The following PNKD variants were observed in gnomAD, a reference collection of about 807,000 sequenced individuals.
The protein encoded by PNKD is probable thioesterase PNKD.
Under a neutral mutation model 45.3 loss-of-function variants are expected in PNKD, and 36 were observed. The ratio of observed to expected loss-of-function variants is 0.80; its 90% CI spans 0.61 to 1.05. The LOEUF (loss-of-function observed/expected upper bound fraction) is 1.05, where lower values mean the gene tolerates loss of function less well. Ranked by LOEUF, PNKD falls within the 50% of genes least tolerant of loss-of-function variation. PNKD has a pLI of 0.00. For missense variants in PNKD, 511 were observed against 506.6 expected (o/e 1.01, Z -0.08); for synonymous variants, 197 against 210.1 (o/e 0.94, Z 0.54).
intron 2 of PNKD, among the ~76,000 whole-genome samples, chr2:218,296,898 G>T (rs1693152040): frequency 6.6e-6 from 1 of 152,130 alleles, no homozygotes. Flanking sequence ...GGCTGGTCTT[G>T]AACTCCTGGC....
intron 2 of PNKD, among the ~76,000 whole-genome samples, chr2:218,309,657 GCA>G (rs1693541045): frequency 6.6e-6 from 1 of 151,870 alleles, no homozygotes; most frequent in Non-Finnish European, 1.5e-5. Context: ...CTGAGGCCAG[GCA>G]CAGTGGCTCA....
chr2:218,306,943 T>A (rs764402519), intron 2 of PNKD, among the ~76,000 whole-genome samples: 79 of 152,214 alleles, frequency 5.2e-4, no homozygotes, highest in Non-Finnish European at 1.1e-3. Flanking sequence ...GAAAATATCC[T>A]AAGTGGAAAA....
intron 2 of PNKD, among the ~76,000 whole-genome samples, chr2:218,315,057 T>TCTTTCTTTCTTTCTTTCTTCCTTC (rs61429059): frequency 0.012 from 642 of 55,514 alleles, 56 homozygotes; most frequent in African/African-American, 0.034. Context: ...TTTCTTTCTT[T>TCTTTCTTTCTTTCTTTCTTCCTTC]CTTCCTTCCT....
intron 2 of PNKD, among the ~76,000 whole-genome samples, chr2:218,314,716 G>C (rs1693722706): frequency 6.6e-6 from 1 of 150,462 alleles, no homozygotes; most frequent in Admixed American, 6.6e-5. Flanking sequence ...TTTTGAGAGA[G>C]TCTCACTCTG....
chr2:218,344,895 C>T lies in PNKD; in HGVS notation c.1072C>T (p.Pro358Ser), dbSNP rs767134422. 9.9e-6 allele frequency: 16 copies of T among 1,613,928 alleles called. No individual in the cohort carries two copies. Among genetic ancestry groups the T allele is most frequent in the Non-Finnish European group, 1.4e-5 (16 of 1,179,848 alleles). The change falls in exon 10 of 10, where the codon CCG becomes TCG. Residue 358 changes from proline to serine, a missense_variant. Coordinates refer to ENST00000273077, the MANE Select transcript of PNKD (RefSeq NM_015488.5). ...LALQEALGPG[P>S]GPTGDDDYSR... ...GCTACAGGAGGCTCTGGGGCCGGGGCCGGGCCCCACTGGGGATGATGACTA... is the reference window on the plus strand; with the variant it reads ...GCTACAGGAGGCTCTGGGGCCGGGGTCGGGCCCCACTGGGGATGATGACTA...
At chr2:218,322,724 T>C (rs922553011) in intron 2 of PNKD, among the ~76,000 whole-genome samples, 13 of 152,222 alleles carry the variant, frequency 8.5e-5, no homozygotes, top group African/African-American at 3.1e-4. Flanking sequence ...ATTTGGTTCG[T>C]CGCCTCACTA....
chr2:218,314,367 G>A lies in PNKD; in HGVS notation c.237-25416G>A, dbSNP rs535053047. The stretch of plus-strand genomic sequence containing the variant: ...CTCCTGAGCAGCTGGAAGCACAGGC[G>A]TGTACCACCAAGCCTGGCTGATTTT... On this transcript the variant is annotated intron_variant, in intron 2 of 9. Transcript: ENST00000273077. Among the ~76,000 whole-genome samples, 28 of 151,786 alleles carry A rather than the reference G, an allele frequency of 1.8e-4. No homozygotes were observed. The South Asian group carries it at 5.0e-3, about 27-fold the overall frequency.
intron 2 of PNKD, among the ~76,000 whole-genome samples, chr2:218,308,679 C>T (rs1173708609): frequency 1.3e-5 from 2 of 151,840 alleles, no homozygotes; most frequent in African/African-American, 2.4e-5. Context: ...CTCCACCTCC[C>T]GGGTTCAAGC....
Position 218,345,053 on chromosome 2 carries a change from T to C in PNKD, c.*72T>C. The C allele has an allele frequency of 8.3e-7, 1 of 1,207,252 alleles. No homozygotes were observed. Among genetic ancestry groups the C allele is most frequent in the African/African-American group, 1.5e-5 (1 of 66,016 alleles). 74.8% of individuals were successfully genotyped at this position (1,207,252 alleles called of 1,614,324 possible). A position where few individuals can be genotyped will look rare whatever the true frequency, so the allele number is the denominator to read the frequency against. ...GCCACCACCAACACCTCATCATCCT[T>C]CTCATCGCTAACACCACCACCTCCA... On this transcript the variant is annotated 3_prime_UTR_variant, in exon 10 of 10. Transcript: ENST00000273077.
intron 2 of PNKD, among the ~76,000 whole-genome samples, chr2:218,293,779 G>GATTT (rs1559513381): frequency 6.7e-6 from 1 of 148,856 alleles, no homozygotes; most frequent in African/African-American, 2.5e-5. Flanking sequence ...TGTTTTGTTT[G>GATTT]GTTTGTTTGT....
At chr2:218,274,096 T>C (rs985255861) in intron 2 of PNKD, 2 of 154,910 alleles carry the variant, frequency 1.3e-5, no homozygotes, top group Non-Finnish European at 2.9e-5. Context: ...GTAAAGTGTA[T>C]TTGATTACCT....
intron 9 of PNKD, 101 bp downstream of exon 9, chr2:218,344,671 C>A: frequency 7.3e-7 from 1 of 1,369,320 alleles, no homozygotes; most frequent in Non-Finnish European, 1.0e-6. Context: ...CTCCCCAAAA[C>A]TCTGACCTCT....
At chr2:218,277,102 G>T (rs1481923628) in intron 2 of PNKD, 1 of 1,613,582 alleles carries the variant, frequency 6.2e-7, no homozygotes, top group East Asian at 2.2e-5. Flanking sequence ...AAGTCCACCT[G>T]CCAGGAAGCA....
At chr2:218,324,672 C>T (rs543825184) in intron 2 of PNKD, among the ~76,000 whole-genome samples, 8 of 152,074 alleles carry the variant, frequency 5.3e-5, no homozygotes, top group Non-Finnish European at 8.8e-5. Flanking sequence ...CGGTGGCTCA[C>T]GCCTGTAATC....
chr2:218,312,502 A>T (rs1442064507), intron 2 of PNKD, among the ~76,000 whole-genome samples: 3 of 151,686 alleles, frequency 2.0e-5, no homozygotes, highest in African/African-American at 4.8e-5. Context: ...GGGGTTAACA[A>T]GGAAAAAAGG....
At chr2:218,281,107 T>G (rs1332788964) in intron 2 of PNKD, 2 of 145,940 alleles carry the variant, frequency 1.4e-5, no homozygotes, top group African/African-American at 5.3e-5. Flanking sequence ...CCGGCCTCTT[T>G]TTTTGTTTTG....
Position 218,341,590 on chromosome 2 carries a change from A to G in PNKD, c.581A>G (p.Tyr194Cys). 3.8e-6 allele frequency: 6 copies of G among 1,595,254 alleles called. No individual in the cohort carries two copies. The highest frequency in any genetic ancestry group is 5.1e-6 in the Non-Finnish European group (6 of 1,171,254). The stretch of plus-strand genomic sequence containing the variant: ...CGGCGGCACCGGGACTGTCGGGTGT[A>G]CGGGAGCCCTCAGGACGGCATCCCC... The part of the protein sequence containing the change: ...LSRRHRDCRV[Y>C]GSPQDGIPYL... The change falls in exon 6 of 10, where the codon TAC becomes TGC. Residue 194 changes from tyrosine (Y) to cysteine (C), a missense_variant. Tyr to Cys is a radical substitution (Grantham distance 194, BLOSUM62 -2). Coordinates refer to ENST00000273077, the MANE Select transcript of PNKD (RefSeq NM_015488.5).
At chr2:218,330,187 T>C (rs1266794838) in intron 2 of PNKD, among the ~76,000 whole-genome samples, 1 of 152,204 alleles carries the variant, frequency 6.6e-6, no homozygotes, top group Non-Finnish European at 1.5e-5. Flanking sequence ...AGAGCCCCTG[T>C]TATGCTGCTC....
rs73990424 is a variant in PNKD, at chr2:218,341,414, C to T, written c.525-120C>T. 5.8e-3 allele frequency: 3,740 copies of T among 648,898 alleles called. 98 individuals carry two copies. The African/African-American group carries it at 0.06, about 10-fold the overall frequency. The allele number at this position is 648,898 out of a possible 1,614,324, so 40.2% of individuals were successfully genotyped here. A position where few individuals can be genotyped will look rare whatever the true frequency, so the allele number is the denominator to read the frequency against. ...AACAAAGGCCTAGAGGTGTGGACAA[C>T]TTGGCTTAGTCCAGAAGCCACAGCC... On this transcript the variant is annotated intron_variant, in intron 5 of 9. Coordinates refer to ENST00000273077, the MANE Select transcript of PNKD (RefSeq NM_015488.5).
Sources: allele counts gnomAD v4.1 joint callset (sites outside exome capture counted in the v4.1 genomes callset), GRCh38; gene constraint gnomAD v4.1.1; transcripts MANE v1.5; gene names NCBI Gene and HGNC (gene_info 2026-07-23, HGNC 2026-07-21).